Variants in OR6F1 observed in about 807,000 individuals in gnomAD.
OR6F1 encodes the protein olfactory receptor family 6 subfamily F member 1.
For missense variants in OR6F1, 346 were observed against 376.0 expected (o/e 0.92, Z 0.66); for synonymous variants, 144 against 150.0 (o/e 0.96, Z 0.29).
chr1:247,714,663 C>T (rs1040206971), intron 1 of OR6F1, among the ~76,000 whole-genome samples: 1 of 151,840 alleles, frequency 6.6e-6, no homozygotes, highest in Non-Finnish European at 1.5e-5. Flanking sequence ...ATATTTTTTT[C>T]CTCCTTTACA....
chr1:247,713,751 T>G, intron 2 of OR6F1, 140 bp downstream of exon 2: 1 of 394,526 alleles, frequency 2.5e-6, no homozygotes, highest in South Asian at 1.4e-4. Context: ...TCCATCCTCA[T>G]GTGTCCTACC....
chr1:247,714,599 G>C (rs920580876), intron 1 of OR6F1, among the ~76,000 whole-genome samples: 2 of 151,994 alleles, frequency 1.3e-5, no homozygotes, highest in Non-Finnish European at 2.9e-5. Context: ...TATGTCTTTG[G>C]TGAGTCTAAA....
intron 2 of OR6F1, 83 bp downstream of exon 2, chr1:247,713,797 TAAACCCAAAGC>T (rs958451239): frequency 7.5e-6 from 3 of 397,360 alleles, no homozygotes; most frequent in African/African-American, 6.2e-5. Context: ...GTTTCCCGCA[TAAACCCAAAGC>T]TACTGCATGT....
chr1:247,712,280 G>A lies in OR6F1; in HGVS notation c.476C>T (p.Pro159Leu). Residue 159 changes from proline to leucine, a missense_variant, in exon 3 of 3, where the codon CCC becomes CTC. Coordinates refer to ENST00000641470, the MANE Select transcript of OR6F1 (RefSeq NM_001005286.2). ...WVCGFVAIAV[P>L]TALISGLSFC... ...GGACAGGCCACTGATGAGGGCTGTG[G>A]GCACTGCAATGGCCACGAAACCACA... 6.2e-7 allele frequency: 1 copy of A among 1,614,174 alleles called. No individual in the cohort carries two copies. Among genetic ancestry groups the A allele is most frequent in the Non-Finnish European group, 8.5e-7 (1 of 1,180,008 alleles).
chr1:247,713,863 A>G (rs146133220), intron 2 of OR6F1, 28 bp downstream of exon 2: 1 of 398,580 alleles, frequency 2.5e-6, no homozygotes, highest in East Asian at 3.6e-5. Flanking sequence ...TGGGTCTACA[A>G]AGTAAACGGT....
intron 1 of OR6F1, among the ~76,000 whole-genome samples, chr1:247,714,677 G>A (rs1487740923): frequency 6.6e-6 from 1 of 151,912 alleles, no homozygotes; most frequent in Non-Finnish European, 1.5e-5. Flanking sequence ...CTTTACACTG[G>A]TAAAGGAGCC....
chr1:247,712,777 C>G lies in OR6F1; in HGVS notation c.-22G>C, dbSNP rs781214670. The G allele has an allele frequency of 1.3e-6, 2 of 1,491,124 alleles. No homozygotes were observed. The highest frequency in any genetic ancestry group is 1.2e-5 in the South Asian group (1 of 86,296). 92.4% of individuals were successfully genotyped at this position (1,491,124 alleles called of 1,614,324 possible). A position where few individuals can be genotyped will look rare whatever the true frequency, so the allele number is the denominator to read the frequency against. ...CCATTGTGGTACTGAAACCAGAAAA[C>G]AGAGTCCCCGCACTGAGCCCTTTAA... is the stretch of plus-strand genomic sequence containing the variant. On this transcript the variant is annotated 5_prime_UTR_variant, in exon 3 of 3. Coordinates refer to ENST00000641470, the MANE Select transcript of OR6F1 (RefSeq NM_001005286.2).
Position 247,711,635 on chromosome 1 carries a change from C to A in OR6F1, c.*194G>T. 2.2e-6 allele frequency: 1 copy of A among 464,658 alleles called. No individual in the cohort carries two copies. Among genetic ancestry groups the A allele is most frequent in the Non-Finnish European group, 3.8e-6 (1 of 264,272 alleles). The allele number at this position is 464,658 out of a possible 1,614,324, so 28.8% of individuals were successfully genotyped here. A position where few individuals can be genotyped will look rare whatever the true frequency, so the allele number is the denominator to read the frequency against. The stretch of plus-strand genomic sequence containing the variant: ...TATAATTATTTTTTGCTTAAAAATC[C>A]CATTTGCTTATGTCAAAAACTCCCA... On this transcript the variant is annotated 3_prime_UTR_variant, in exon 3 of 3. Coordinates refer to ENST00000641470, the MANE Select transcript of OR6F1 (RefSeq NM_001005286.2).
rs889401111 is a variant in OR6F1, at chr1:247,716,456, A to C, written c.-252T>G. 6.6e-6 allele frequency: 1 copy of C among 152,002 alleles called. No individual in the cohort carries two copies. The highest frequency in any genetic ancestry group is 1.5e-5 in the Non-Finnish European group (1 of 68,028). 9.4% of individuals were successfully genotyped at this position (152,002 alleles called of 1,614,324 possible). A position where few individuals can be genotyped will look rare whatever the true frequency, so the allele number is the denominator to read the frequency against. ...TATTTTGATTGCAATTATTCCCTCT[A>C]TATCTCTGTTTTTCTTTGATTATCT... On this transcript the variant is annotated 5_prime_UTR_variant, in exon 1 of 3. An upstream open reading frame in the 5' UTR loses its in-frame stop. Coordinates refer to ENST00000641470, the MANE Select transcript of OR6F1 (RefSeq NM_001005286.2).
rs1660006546 is a variant in OR6F1, at chr1:247,711,841, C to T, written c.915G>A (p.Trp305Ter). The T allele has an allele frequency of 3.7e-6, 6 of 1,608,678 alleles. No homozygotes were observed. Among genetic ancestry groups the T allele is most frequent in the African/African-American group, 1.3e-5 (1 of 74,718 alleles). Reference protein sequence around the residue: ...KEVRETLLKKWKGK With the variant: ...KEVRETLLKK ...TGGTAGAGGAGATTTATTTTCCCTT[C>T]CATTTCTTCAGCAGAGTCTCTCTTA... is the stretch of plus-strand genomic sequence containing the variant. The change falls in exon 3 of 3, where the codon TGG becomes TGA. Residue 305 changes from tryptophan to a stop codon, truncating the protein, a stop_gained. Transcript: ENST00000641470. LOFTEE classifies it high-confidence loss of function.
At chr1:247,713,417 C>CA (rs11309385) in intron 2 of OR6F1, among the ~76,000 whole-genome samples, 3,214 of 151,714 alleles carry the variant, frequency 0.021, 55 homozygotes, top group Non-Finnish European at 0.032. Flanking sequence ...TACTTCTCAT[C>CA]AAAAAAAATA....
At chr1:247,713,081 C>T (rs1000802472) in intron 2 of OR6F1, among the ~76,000 whole-genome samples, 1 of 152,180 alleles carries the variant, frequency 6.6e-6, no homozygotes, top group Admixed American at 6.5e-5. Flanking sequence ...GTCTTTCTGC[C>T]TTCATCCCAC....
chr1:247,712,155 C>T lies in OR6F1; in HGVS notation c.601G>A (p.Val201Met), dbSNP rs1458215400. 1 of 1,614,100 alleles carries T rather than the reference C, an allele frequency of 6.2e-7. No homozygotes were observed. The highest frequency in any genetic ancestry group is 1.3e-5 in the African/African-American group (1 of 74,944). Residue 201 changes from valine (V) to methionine (M), a missense_variant, in exon 3 of 3, where the codon GTG (valine) becomes ATG (methionine). Val to Met is a conservative substitution (Grantham distance 21). Transcript: ENST00000641470. ...CTCAGGATAACCACAACAGCAATCACAAAGGCCACAAGCTCTACTGCCTGT... is the reference window on the plus strand; with the variant it reads ...CTCAGGATAACCACAACAGCAATCATAAAGGCCACAAGCTCTACTGCCTGT... ...NTQAVELVAF[V>M]IAVVVILSSC...
intron 2 of OR6F1, 127 bp downstream of exon 2, chr1:247,713,764 C>A (rs527936343): frequency 2.5e-6 from 1 of 395,230 alleles, no homozygotes; most frequent in Non-Finnish European, 4.5e-6. Context: ...GTCCTACCCT[C>A]GCGTTCACCA....
chr1:247,711,657 C>G lies in OR6F1; in HGVS notation c.*172G>C. Reference sequence around the variant, plus strand: ...ATCCCATTTGCTTATGTCAAAAACTCCCATTTTTATCATACATGATAATGT... The same window carrying G: ...ATCCCATTTGCTTATGTCAAAAACTGCCATTTTTATCATACATGATAATGT... On this transcript the variant is annotated 3_prime_UTR_variant, in exon 3 of 3. Transcript: ENST00000641470. The G allele has an allele frequency of 2.0e-6, 1 of 503,752 alleles. No individual in the cohort carries two copies. The highest frequency in any genetic ancestry group is 3.9e-5 in the South Asian group (1 of 25,322). The allele number at this position is 503,752 out of a possible 1,614,324, so 31.2% of individuals were successfully genotyped here.
chr1:247,712,234 G>A lies in OR6F1; in HGVS notation c.522C>T (p.Ile174=). 1 of 1,614,222 alleles carries A rather than the reference G, an allele frequency of 6.2e-7. No individual in the cohort carries two copies. Among genetic ancestry groups the A allele is most frequent in the Non-Finnish European group, 8.5e-7 (1 of 1,180,034 alleles). The change falls in exon 3 of 3, where the codon ATC becomes ATT. Residue 174 remains isoleucine, a synonymous_variant. Coordinates refer to ENST00000641470, the MANE Select transcript of OR6F1 (RefSeq NM_001005286.2). ...SGLSFCGPRA[I]NHFFCDIAPW... Reference sequence around the variant, plus strand: ...GTGCAATGTCACAGAAGAAGTGGTTGATGGCACGGGGGCCACAGAAGGACA... The same window carrying A: ...GTGCAATGTCACAGAAGAAGTGGTTAATGGCACGGGGGCCACAGAAGGACA...
rs925711463 is a variant in OR6F1, at chr1:247,713,964, T to C, written c.-126-10A>G. ...TGGGCACATGAATCACCTAAGGGTA[T>C]TGCCAAAATGCAAATTTTGATTAAT... On this transcript the variant is annotated splice_polypyrimidine_tract_variant and intron_variant, in intron 1 of 2. Coordinates refer to ENST00000641470, the MANE Select transcript of OR6F1 (RefSeq NM_001005286.2). 3 of 398,618 alleles carry C rather than the reference T, an allele frequency of 7.5e-6. No individual in the cohort carries two copies. The highest frequency in any genetic ancestry group is 1.3e-5 in the Non-Finnish European group (3 of 226,064). 24.7% of individuals were successfully genotyped at this position (398,618 alleles called of 1,614,324 possible). A position where few individuals can be genotyped will look rare whatever the true frequency, so the allele number is the denominator to read the frequency against.
At position 247,712,521 on chromosome 1, in the gene OR6F1, G is replaced by C. The variant is rs199755539; in HGVS notation, c.235C>G (p.Pro79Ala). Residue 79 changes from proline (P) to alanine (A), a missense_variant, in exon 3 of 3, where the codon CCC (proline) becomes GCC (alanine). By Grantham distance (27) the Pro-to-Ala change is conservative (BLOSUM62 -1). Transcript: ENST00000641470. ...CCCAGTAGGATGGCCAGTGCTTTGG[G>C]CACTGCTGCTGTGGTATACCAAATC... ...LEIWYTTAAV[P>A]KALAILLGRS... The C allele has an allele frequency of 6.4e-5, 103 of 1,613,692 alleles. 1 individual carries two copies. In the East Asian group the frequency reaches 2.3e-3, roughly 36 times the overall value.
At position 247,712,247 on chromosome 1, in the gene OR6F1, C is replaced by T. The variant is rs149015883; in HGVS notation, c.509G>A (p.Gly170Asp). The T allele has an allele frequency of 3.1e-6, 5 of 1,614,066 alleles. No individual in the cohort carries two copies. The Admixed American group carries it at 5.0e-5, about 16-fold the overall frequency. The change falls in exon 3 of 3, where the codon GGC (glycine) becomes GAC (aspartate). Residue 170 changes from glycine (G) to aspartate (D), a missense_variant. Transcript: ENST00000641470. ...GAAGAAGTGGTTGATGGCACGGGGG[C>T]CACAGAAGGACAGGCCACTGATGAG... ...TALISGLSFCGPRAINHFFCD... is the reference protein window; with the variant it reads ...TALISGLSFCDPRAINHFFCD...
Sources: gnomAD v4.1 joint callset for allele counts (sites outside exome capture counted in the v4.1 genomes callset) on GRCh38, gnomAD v4.1.1 for gene constraint, MANE v1.5 for transcripts, NCBI Gene and HGNC (gene_info 2026-07-23, HGNC 2026-07-21) for gene names.